Variants in DIP2C observed in about 807,000 individuals in gnomAD.
DIP2C encodes DIP2 acetate--CoA ligase C (putative).
Under a neutral mutation model 192.4 loss-of-function variants are expected in DIP2C, and 33 were observed. The ratio of observed to expected loss-of-function variants is 0.17; its 90% CI spans 0.13 to 0.23. The LOEUF (loss-of-function observed/expected upper bound fraction) is 0.23. Among genes scored for constraint, DIP2C ranks in the 10% least tolerant of loss-of-function variants. DIP2C has a pLI of 1.00. For synonymous variants in DIP2C, 979 were observed against 864.1 expected, an observed-to-expected ratio of 1.13 and a Z score of -2.33; for missense variants, 1,537 against 2,110.1, an observed-to-expected ratio of 0.73 and a Z score of 5.32.
intron 1 of DIP2C, chr10:665,677 C>T (rs1015473019): frequency 3.3e-5 from 5 of 152,350 alleles, no homozygotes; most frequent in Admixed American, 2.0e-4. Flanking sequence ...CAGAACCAAA[C>T]GCTACGCGAA....
intron 17 of DIP2C, among the ~76,000 whole-genome samples, chr10:376,703 C>T (rs538203835): frequency 6.6e-6 from 1 of 152,130 alleles, no homozygotes; most frequent in Non-Finnish European, 1.5e-5. Flanking sequence ...CAGAACATCT[C>T]CTCTGCTTTC....
At chr10:393,635 C>T (rs1317176602) in intron 10 of DIP2C, among the ~76,000 whole-genome samples, 2 of 151,962 alleles carry the variant, frequency 1.3e-5, no homozygotes, top group East Asian at 1.9e-4. Flanking sequence ...AAAGATTAGC[C>T]AGGTGCCATG....
intron 1 of DIP2C, among the ~76,000 whole-genome samples, chr10:605,723 C>G (rs558741818): frequency 6.6e-6 from 1 of 152,352 alleles, no homozygotes; most frequent in African/African-American, 2.4e-5. Context: ...TTGCAGGTCA[C>G]TTAACCAGCC....
chr10:619,511 T>C (rs951566032), intron 1 of DIP2C, among the ~76,000 whole-genome samples: 3 of 119,174 alleles, frequency 2.5e-5, no homozygotes, highest in Non-Finnish European at 5.3e-5. Context: ...ACAGGCTTTA[T>C]GCCAGGGCCA....
chr10:295,891 T>C (rs1358889886), intron 32 of DIP2C, among the ~76,000 whole-genome samples: 2 of 152,216 alleles, frequency 1.3e-5, no homozygotes, highest in East Asian at 3.8e-4. Context: ...CATTTTTTCA[T>C]GTGTTTTTTG....
chr10:552,566 C>T (rs572981525), intron 1 of DIP2C, among the ~76,000 whole-genome samples: 2 of 152,188 alleles, frequency 1.3e-5, no homozygotes, highest in Non-Finnish European at 2.9e-5. Flanking sequence ...GTGACAAACA[C>T]CTGGCCGGGT....
intron 1 of DIP2C, among the ~76,000 whole-genome samples, chr10:661,084 A>T (rs536797321): frequency 7.9e-5 from 12 of 152,204 alleles, no homozygotes; most frequent in Non-Finnish European, 1.2e-4. Context: ...GACACACTAG[A>T]ATTAGCCATT....
chr10:356,373 C>A (rs1372078883), intron 24 of DIP2C, 53 bp downstream of exon 24: 3 of 1,596,412 alleles, frequency 1.9e-6, no homozygotes, highest in South Asian at 1.1e-5. Flanking sequence ...TCCCAGGAAC[C>A]AGGCTAGGCC....
intron 1 of DIP2C, among the ~76,000 whole-genome samples, chr10:590,186 G>A (rs1851317250): frequency 6.6e-6 from 1 of 152,238 alleles, no homozygotes; most frequent in Non-Finnish European, 1.5e-5. Flanking sequence ...CTGAGCCTCT[G>A]CGTCCATGAA....
chr10:518,504 G>A (rs1846503750), intron 1 of DIP2C, among the ~76,000 whole-genome samples: 1 of 152,196 alleles, frequency 6.6e-6, no homozygotes, highest in Non-Finnish European at 1.5e-5. Flanking sequence ...GAGGTGATGA[G>A]TTCCCGAAGC....
chr10:508,553 C>T (rs1016840628), intron 1 of DIP2C, among the ~76,000 whole-genome samples: 3 of 152,272 alleles, frequency 2.0e-5, no homozygotes, highest in Admixed American at 1.3e-4. Context: ...TCCTGTGAGC[C>T]GCTAAGCTCT....
intron 1 of DIP2C, among the ~76,000 whole-genome samples, chr10:569,866 A>C (rs1367234760): frequency 6.6e-6 from 1 of 152,148 alleles, no homozygotes; most frequent in South Asian, 2.1e-4. Context: ...CTGACTTAAA[A>C]TTTTGAAGCC....
chr10:364,150 T>C (rs1320958115), intron 20 of DIP2C, among the ~76,000 whole-genome samples: 1 of 152,226 alleles, frequency 6.6e-6, no homozygotes, highest in Non-Finnish European at 1.5e-5. Context: ...GAGGGGAAGT[T>C]CAATGGAAAT....
chr10:409,031 T>A lies in DIP2C; in HGVS notation c.1058-14A>T. On this transcript the variant is annotated splice_polypyrimidine_tract_variant and intron_variant, in intron 8 of 36. Coordinates refer to ENST00000280886, the MANE Select transcript of DIP2C (RefSeq NM_014974.3). ...TCCACAGCTTGCCTATGAATACAAA[T>A]CACAGACAAATGTGCGTATTAAACC... 1 of 1,613,650 alleles carries A rather than the reference T, an allele frequency of 6.2e-7. No individual in the cohort carries two copies. Among genetic ancestry groups the A allele is most frequent in the Non-Finnish European group, 8.5e-7 (1 of 1,179,658 alleles).
chr10:617,551 T>C (rs1853552660), intron 1 of DIP2C, among the ~76,000 whole-genome samples: 1 of 151,968 alleles, frequency 6.6e-6, no homozygotes, highest in African/African-American at 2.4e-5. Flanking sequence ...GGAGGGTGTG[T>C]CCTCTATTCC....
chr10:636,256 A>G lies in DIP2C; in HGVS notation c.85+53238T>C, dbSNP rs1264019943. Among the ~76,000 whole-genome samples the G allele has an allele frequency of 1.3e-5, 2 of 152,082 alleles. No homozygotes were observed. Among genetic ancestry groups the G allele is most frequent in the Non-Finnish European group, 2.9e-5 (2 of 68,016 alleles). ...AACCCAAGGGTGCTTGGCTTGACTC[A>G]CTTCCATACCAATTTCCAGATGTAT... is the stretch of plus-strand genomic sequence containing the variant. On this transcript the variant is annotated intron_variant, in intron 1 of 36. Coordinates refer to ENST00000280886, the MANE Select transcript of DIP2C (RefSeq NM_014974.3). The surrounding 1 kb of genome is among the most constrained non-coding windows in gnomAD (Gnocchi z 4.6).
intron 8 of DIP2C, among the ~76,000 whole-genome samples, chr10:410,465 T>C (rs1965113476): frequency 6.6e-6 from 1 of 152,208 alleles, no homozygotes; most frequent in South Asian, 2.1e-4. Flanking sequence ...CATCTGGAAT[T>C]CTATTAGGGG....
At chr10:477,929 G>C (rs1167935886) in intron 2 of DIP2C, among the ~76,000 whole-genome samples, 2 of 106,376 alleles carry the variant, frequency 1.9e-5, no homozygotes, top group African/African-American at 7.9e-5. Flanking sequence ...GGAAAAGAGA[G>C]GGAAAGAAGG....
chr10:590,302 G>A (rs926802095), intron 1 of DIP2C, among the ~76,000 whole-genome samples: 1 of 152,176 alleles, frequency 6.6e-6, no homozygotes, highest in Non-Finnish European at 1.5e-5. Context: ...CAGCACCTTC[G>A]AGTCAAGTGG....
Sources: gnomAD v4.1 joint callset for allele counts (sites outside exome capture counted in the v4.1 genomes callset) on GRCh38, gnomAD v4.1.1 for gene constraint, Gnocchi (gnomAD v3.1) non-coding constraint, MANE v1.5 for transcripts, NCBI Gene and HGNC (gene_info 2026-07-23, HGNC 2026-07-21) for gene names.